SURF4: variants seen among roughly 807,000 people sequenced by gnomAD.
SURF4 encodes surfeit locus protein 4.
In SURF4, 3 loss-of-function variants were observed where a neutral mutation model predicts 30.0. The observed-to-expected ratio is 0.10, with a 90% confidence interval of 0.05 to 0.26. The LOEUF is 0.26. Among genes scored for constraint, SURF4 ranks in the 10% least tolerant of loss-of-function variants. The pLI, the probability that SURF4 is intolerant of heterozygous loss-of-function variation, is 1.00. For missense variants in SURF4, 217 were observed against 350.8 expected (o/e 0.62, Z 3.05); for synonymous variants, 143 against 139.9 (o/e 1.02, Z -0.16).
At chr9:133,373,813 C>T (rs143657754) in intron 1 of SURF4, among the ~76,000 whole-genome samples, 1 of 131,800 alleles carries the variant, frequency 7.6e-6, no homozygotes, top group Non-Finnish European at 1.6e-5. Flanking sequence ...CCAGCTACTT[C>T]GGGCTGAGGC....
intron 1 of SURF4, among the ~76,000 whole-genome samples, chr9:133,375,707 C>T (rs1454258656): frequency 6.6e-6 from 1 of 152,066 alleles, no homozygotes; most frequent in Admixed American, 6.5e-5. Context: ...GCCCGGGCTC[C>T]GGGAGCGGCC....
Position 133,364,847 on chromosome 9 carries a change from A to C in SURF4, c.536T>G (p.Phe179Cys), listed in dbSNP as rs2130110257. 4.6e-5 allele frequency: 74 copies of C among 1,614,012 alleles called. No individual in the cohort carries two copies. The highest frequency in any genetic ancestry group is 6.0e-5 in the Non-Finnish European group (71 of 1,180,012). ...FMTLLHFDASFFSIVQNIVGT... is the reference protein window; with the variant it reads ...FMTLLHFDASCFSIVQNIVGT... The stretch of plus-strand genomic sequence containing the variant: ...GCAAGTAGGAATACTTACAGAAAAG[A>C]AGCTGGCGTCAAAGTGAAGGAGGGT... Residue 179 changes from phenylalanine to cysteine, a missense_variant, in exon 5 of 6, where the codon TTC (phenylalanine) becomes TGC (cysteine). Coordinates refer to ENST00000371989, the MANE Select transcript of SURF4 (RefSeq NM_033161.4).
intron 4 of SURF4, among the ~76,000 whole-genome samples, chr9:133,365,631 TTG>T (rs1837124740): frequency 6.6e-6 from 1 of 152,172 alleles, no homozygotes; most frequent in African/African-American, 2.4e-5. Context: ...GTTTTTGAGT[TTG>T]TGTTGGGCCA....
At chr9:133,376,160 G>A (rs1386198284), upstream of SURF4, 2 of 1,212,452 alleles carry the variant, frequency 1.6e-6, no homozygotes, top group African/African-American at 3.2e-5. Flanking sequence ...CCGCCCCGGT[G>A]CGTCTTAAAG....
intron 1 of SURF4, among the ~76,000 whole-genome samples, chr9:133,374,469 G>A (rs1179039): frequency 0.051 from 7,820 of 152,182 alleles, 294 homozygotes; most frequent in Middle Eastern, 0.11. Flanking sequence ...GCTGAGGCAG[G>A]AGAATCGCTT....
Position 133,367,438 on chromosome 9 carries a change from C to T in SURF4, c.56G>A (p.Arg19His), listed in dbSNP as rs2130142330. Residue 19 changes from arginine (R) to histidine (H), a missense_variant, in exon 2 of 6, where the codon CGT becomes CAT. By Grantham distance (29) the Arg-to-His change is conservative. Coordinates refer to ENST00000371989, the MANE Select transcript of SURF4 (RefSeq NM_033161.4). ...GTGGGGCAGGTACTGCTTTGTGACACGGAGGAACTGCAGGGCCACAGAAAC... is the reference window on the plus strand; with the variant it reads ...GTGGGGCAGGTACTGCTTTGTGACATGGAGGAACTGCAGGGCCACAGAAAC... The part of the protein sequence containing the change: ...TAEDFADQFL[R>H]VTKQYLPHVA... The T allele has an allele frequency of 5.6e-6, 9 of 1,613,440 alleles. No individual in the cohort carries two copies. The highest frequency in any genetic ancestry group is 2.7e-5 in the African/African-American group (2 of 74,924).
In SURF4 at chr9:133,364,977, A is replaced by G; in HGVS notation, c.406T>C (p.Ser136Pro). 1 of 1,608,396 alleles carries G rather than the reference A, an allele frequency of 6.2e-7. No homozygotes were observed. Among genetic ancestry groups the G allele is most frequent in the Non-Finnish European group, 8.5e-7 (1 of 1,176,998 alleles). ...GLLLLLAESR[S>P]EGKSMFAGVP... ...CCCGCAAACATGCTCTTCCCTTCAG[A>G]ACGGGATTCTGCTAGGAGCAGCAAC... Residue 136 changes from serine to proline, a missense_variant, in exon 5 of 6, where the codon TCT becomes CCT. Transcript: ENST00000371989.
At chr9:133,376,436 AG>A (rs1564372078), upstream of SURF4, 1 of 1,538,332 alleles carries the variant, frequency 6.5e-7, no homozygotes. Context: ...GGGTGGGGCC[AG>A]GGGTGGACGC....
intron 1 of SURF4, chr9:133,372,767 T>C: frequency 2.8e-6 from 1 of 351,124 alleles, no homozygotes; most frequent in Non-Finnish European, 4.0e-6. Context: ...CTGGCAGCTT[T>C]AAGTACTATG....
rs1209879700 is a variant in SURF4 at position 133,376,016 on chromosome 9, T to C, written c.-47A>G. Reference sequence around the variant, plus strand: ...TCGGCTCGCTCGCTCGCTCGCTGGCTCTCGCCCGTCGGCGCCCGCACCCGC... The same window carrying C: ...TCGGCTCGCTCGCTCGCTCGCTGGCCCTCGCCCGTCGGCGCCCGCACCCGC... On this transcript the variant is annotated 5_prime_UTR_variant, in exon 1 of 6. Coordinates refer to ENST00000371989, the MANE Select transcript of SURF4 (RefSeq NM_033161.4). 1.6e-6 allele frequency: 2 copies of C among 1,214,626 alleles called. No homozygotes were observed. Among genetic ancestry groups the C allele is most frequent in the African/African-American group, 1.6e-5 (1 of 63,516 alleles). The allele number at this position is 1,214,626 out of a possible 1,614,324, so 75.2% of individuals were successfully genotyped here.
intron 1 of SURF4, among the ~76,000 whole-genome samples, chr9:133,373,909 CAAAAAAAAAAAAA>C (rs71824689): frequency 4.0e-4 from 19 of 47,528 alleles, no homozygotes; most frequent in Non-Finnish European, 5.8e-4. Flanking sequence ...AATTCTGTCT[CAAAAAAAAAAAAA>C]AAAAAAAAAA....
At chr9:133,375,429 G>A in intron 1 of SURF4, 1 of 986,072 alleles carries the variant, frequency 1.0e-6, no homozygotes, top group South Asian at 4.7e-5. Context: ...GCTTCCTGTA[G>A]CTGGGGCGCA....
intron 2 of SURF4, 82 bp from the exon 3 acceptor site, chr9:133,366,757 G>A: frequency 7.5e-7 from 1 of 1,341,262 alleles, no homozygotes; most frequent in Admixed American, 1.9e-5. Flanking sequence ...TACCTCACCT[G>A]GCCCTTAGGT....
At chr9:133,377,778 A>T (rs2130255608), upstream of SURF4, among the ~76,000 whole-genome samples, 2 of 152,194 alleles carry the variant, frequency 1.3e-5, no homozygotes, top group East Asian at 1.9e-4. Context: ...TGATTCAAGC[A>T]CATTACACTT....
chr9:133,376,110 A>G (rs1440954327), upstream of SURF4: 6 of 1,201,342 alleles, frequency 5.0e-6, no homozygotes, highest in South Asian at 4.2e-5. Flanking sequence ...AGCGGCTGCC[A>G]CGTAGGCCAA....
chr9:133,366,574 A>T (rs2130127653), intron 3 of SURF4, 25 bp downstream of exon 3: 21 of 1,612,716 alleles, frequency 1.3e-5, no homozygotes, highest in Non-Finnish European at 1.7e-5. Context: ...AAGAGAAGGG[A>T]GCCCCGACCA....
At position 133,364,822 on chromosome 9, in the gene SURF4, G is replaced by T. The variant is rs2130109825; in HGVS notation, c.543+18C>A. On this transcript the variant is annotated intron_variant, in intron 5 of 5. Transcript: ENST00000371989. ...TTCACAGGAAACCAGACCGGTTCAG[G>T]CAAGTAGGAATACTTACAGAAAAGA... 6.2e-7 allele frequency: 1 copy of T among 1,613,780 alleles called. No individual in the cohort carries two copies. The highest frequency in any genetic ancestry group is 8.5e-7 in the Non-Finnish European group (1 of 1,179,836).
In SURF4 at chr9:133,367,327, T is replaced by C. The variant is rs1391518204; in HGVS notation, c.167A>G (p.Asp56Gly). The C allele has an allele frequency of 1.2e-6, 2 of 1,614,124 alleles. No homozygotes were observed. Residue 56 changes from aspartate to glycine, a missense_variant, in exon 2 of 6, where the codon GAC (aspartate) becomes GGC (glycine). By Grantham distance (94) the Asp-to-Gly change is moderately conservative (BLOSUM62 -1). Coordinates refer to ENST00000371989, the MANE Select transcript of SURF4 (RefSeq NM_033161.4). Reference protein sequence around the residue: ...FQWSEQRDYIDTTWNCGYLLA... With the variant: ...FQWSEQRDYIGTTWNCGYLLA... ...CAGGTAGCCGCAGTTCCAGGTGGTGTCGATGTAGTCGCGCTGCTCGCTCCA... is the reference window on the plus strand; with the variant it reads ...CAGGTAGCCGCAGTTCCAGGTGGTGCCGATGTAGTCGCGCTGCTCGCTCCA...
In SURF4 at chr9:133,363,015, T is replaced by C. The variant is rs1346852533; in HGVS notation, c.*478A>G. ...AACATCAAAGCCACTGGTGTGATTT[T>C]AAACCAGGGAGATTAACTGTTTTGA... On this transcript the variant is annotated 3_prime_UTR_variant, in exon 6 of 6. Coordinates refer to ENST00000371989, the MANE Select transcript of SURF4 (RefSeq NM_033161.4). This position sits in a 1 kb window ranked among gnomAD's most constrained non-coding sequence, Gnocchi z 4.3. 7.8e-6 allele frequency: 2 copies of C among 257,818 alleles called. No homozygotes were observed. Among genetic ancestry groups the C allele is most frequent in the African/African-American group, 4.5e-5 (2 of 44,218 alleles). The allele number at this position is 257,818 out of a possible 1,614,324, so 16.0% of individuals were successfully genotyped here.
Sources: gnomAD v4.1 joint callset for allele counts (sites outside exome capture counted in the v4.1 genomes callset) on GRCh38, gnomAD v4.1.1 for gene constraint, Gnocchi (gnomAD v3.1) non-coding constraint, MANE v1.5 for transcripts, NCBI Gene and HGNC (gene_info 2026-07-23, HGNC 2026-07-21) for gene names.